Variants in CMC1 observed in about 807,000 individuals in gnomAD.
The protein encoded by CMC1 is C-X9-C motif containing 1, also known as COX assembly mitochondrial protein homolog.
CMC1 carries 14 observed loss-of-function variants against 14.1 expected under a neutral mutation model. That is an observed-to-expected ratio of 0.99 (90% CI 0.66 to 1.55). The LOEUF is 1.55. CMC1 is among the 40% of genes most tolerant of loss of function. The pLI is 0.00. For synonymous variants in CMC1, 50 were observed against 38.4 expected (o/e 1.30, Z -1.12); for missense variants, 127 against 123.8 (o/e 1.03, Z -0.12).
chr3:28,298,804 C>T (rs1400092162), intron 2 of CMC1, among the ~76,000 whole-genome samples: 2 of 151,978 alleles, frequency 1.3e-5, no homozygotes, highest in African/African-American at 4.8e-5. Flanking sequence ...ACTAATTTCC[C>T]TGCTCAACAA....
Position 28,321,071 on chromosome 3 carries a change from A to G in CMC1, c.*1442A>G, listed in dbSNP as rs942053488. Reference sequence around the variant, plus strand: ...CTTTACTCTTGAGTGAACCACTCAAAAAACTATTTTACTTTTATTTGAAAT... The same window carrying G: ...CTTTACTCTTGAGTGAACCACTCAAGAAACTATTTTACTTTTATTTGAAAT... On this transcript the variant is annotated 3_prime_UTR_variant, in exon 4 of 4. Transcript: ENST00000466830. 4.0e-5 allele frequency: 6 copies of G among 151,544 alleles called. No individual in the cohort carries two copies. Among genetic ancestry groups the G allele is most frequent in the African/African-American group, 1.4e-4 (6 of 41,468 alleles). The allele number at this position is 151,544 out of a possible 1,614,324, so 9.4% of individuals were successfully genotyped here.
At chr3:28,269,530 T>TG (rs1034591114) in intron 2 of CMC1, among the ~76,000 whole-genome samples, 2 of 152,030 alleles carry the variant, frequency 1.3e-5, no homozygotes, top group Non-Finnish European at 2.9e-5. Flanking sequence ...GGTGGTTTGC[T>TG]GCACCTATCA....
At chr3:28,288,677 G>T (rs1330308931) in intron 2 of CMC1, among the ~76,000 whole-genome samples, 2 of 151,940 alleles carry the variant, frequency 1.3e-5, no homozygotes, top group African/African-American at 2.4e-5. Context: ...AAACAAAAAA[G>T]AAAGCTTTAG....
At chr3:28,267,344 A>T (rs1190967073) in intron 2 of CMC1, among the ~76,000 whole-genome samples, 1 of 152,158 alleles carries the variant, frequency 6.6e-6, no homozygotes, top group East Asian at 1.9e-4. Flanking sequence ...AAGTCTCTAT[A>T]TTGGATAATG....
Position 28,324,530 on chromosome 3 carries a change from T to C in CMC1, c.*4901T>C. 7.8e-7 allele frequency: 1 copy of C among 1,288,006 alleles called. No individual in the cohort carries two copies. The highest frequency in any genetic ancestry group is 1.0e-6 in the Non-Finnish European group (1 of 974,830). 79.8% of individuals were successfully genotyped at this position (1,288,006 alleles called of 1,614,324 possible). A position where few individuals can be genotyped will look rare whatever the true frequency, so the allele number is the denominator to read the frequency against. ...TAAAATTCGATAACACTTCACCAAT[T>C]TGAATTCTAGAACTGGTGATGAAAT... On this transcript the variant is annotated 3_prime_UTR_variant, in exon 4 of 4. Transcript: ENST00000466830.
At position 28,316,370 on chromosome 3, in the gene CMC1, G is replaced by A. The variant is rs1702920146; in HGVS notation, c.147G>A (p.Met49Ile). Residue 49 changes from methionine to isoleucine, a missense_variant, in exon 3 of 4, where the codon ATG becomes ATA. Met to Ile is a conservative substitution (Grantham distance 10). Transcript: ENST00000466830. ...GTTGCAAGAACTCTGGAGTTCTTATGGTAGTAAAATGCCGGAAAGAAAATT... is the reference window on the plus strand; with the variant it reads ...GTTGCAAGAACTCTGGAGTTCTTATAGTAGTAAAATGCCGGAAAGAAAATT... ...TKCCKNSGVL[M>I]VVKCRKENSA... 1.3e-6 allele frequency: 2 copies of A among 1,593,592 alleles called. No homozygotes were observed. Among genetic ancestry groups the A allele is most frequent in the South Asian group, 1.1e-5 (1 of 87,040 alleles).
chr3:28,254,745 A>G (rs536561945), intron 1 of CMC1, among the ~76,000 whole-genome samples: 2 of 152,348 alleles, frequency 1.3e-5, no homozygotes, highest in East Asian at 3.9e-4. Context: ...AATAAGTTGT[A>G]TAGATGAAAA....
chr3:28,322,385 TAAAC>T lies in CMC1; in HGVS notation c.*2759_*2762del, dbSNP rs1703212430. ...TTCAAACAAAAATATTTATTTTAATTAAACAATTTCTTGGTATTGTTCAAAACAT... is the reference window on the plus strand; with the variant it reads ...TTCAAACAAAAATATTTATTTTAATTAATTTCTTGGTATTGTTCAAAACAT... On this transcript the variant is annotated 3_prime_UTR_variant, in exon 4 of 4. Transcript: ENST00000466830. 1 of 151,524 alleles carries T rather than the reference TAAAC, an allele frequency of 6.6e-6. No individual in the cohort carries two copies. Among genetic ancestry groups the T allele is most frequent in the Middle Eastern group, 3.2e-3 (1 of 316 alleles). The allele number at this position is 151,524 out of a possible 1,614,324, so 9.4% of individuals were successfully genotyped here.
rs538885308 is a variant in CMC1 at position 28,293,989 on chromosome 3, A to G, written c.110-22344A>G. On this transcript the variant is annotated intron_variant, in intron 2 of 3. Coordinates refer to ENST00000466830, the MANE Select transcript of CMC1 (RefSeq NM_182523.2). The stretch of plus-strand genomic sequence containing the variant: ...TTACATATAGCATTAAATTTGAACT[A>G]TATGGATTTCAAATAAAAGAAGAGA... 7.9e-5 allele frequency among the ~76,000 whole-genome samples: 12 copies of G among 152,300 alleles called. No homozygotes were observed. In the East Asian group the frequency reaches 1.3e-3, roughly 17 times the overall value.
intron 2 of CMC1, among the ~76,000 whole-genome samples, chr3:28,268,682 A>T (rs938413847): frequency 1.3e-5 from 2 of 152,220 alleles, no homozygotes; most frequent in African/African-American, 4.8e-5. Flanking sequence ...AAGCCTTTTA[A>T]GGATAGCAGT....
chr3:28,271,898 T>G (rs762861949), intron 2 of CMC1, among the ~76,000 whole-genome samples: 4 of 152,222 alleles, frequency 2.6e-5, no homozygotes, highest in Non-Finnish European at 5.9e-5. Flanking sequence ...TCTGATTTCC[T>G]TGAGCAGTGG....
intron 2 of CMC1, among the ~76,000 whole-genome samples, chr3:28,278,238 T>C (rs1374829473): frequency 6.6e-6 from 1 of 152,194 alleles, no homozygotes; most frequent in Non-Finnish European, 1.5e-5. Context: ...GGAGGAGTTA[T>C]AGTTAGCAGA....
chr3:28,299,502 T>C (rs1233716203), intron 2 of CMC1, among the ~76,000 whole-genome samples: 2 of 152,124 alleles, frequency 1.3e-5, no homozygotes, highest in Non-Finnish European at 2.9e-5. Context: ...AATCTTTTCA[T>C]GTTCATCCTT....
chr3:28,316,307 ATT>A, intron 2 of CMC1, 24 bp from the exon 3 acceptor site: 1 of 1,287,630 alleles, frequency 7.8e-7, no homozygotes, highest in Non-Finnish European at 1.1e-6. Context: ...ATTACAAGTA[ATT>A]TTTTCCTTCC....
intron 2 of CMC1, among the ~76,000 whole-genome samples, chr3:28,309,941 C>CCA (rs57007112): frequency 0.051 from 6,794 of 132,422 alleles, 221 homozygotes; most frequent in East Asian, 0.088. Flanking sequence ...CTGACGTCCA[C>CCA]CACACACACA....
At chr3:28,294,428 A>G (rs1331553655) in intron 2 of CMC1, 3 of 926,240 alleles carry the variant, frequency 3.2e-6, no homozygotes, top group Non-Finnish European at 3.9e-6. Context: ...CTCTTTTACA[A>G]TACAGGACAA....
intron 1 of CMC1, among the ~76,000 whole-genome samples, chr3:28,249,070 G>A (rs1294854028): frequency 2.0e-5 from 3 of 152,320 alleles, no homozygotes; most frequent in East Asian, 3.9e-4. Flanking sequence ...GATTACAGGC[G>A]TGAGCCACTG....
At chr3:28,272,847 G>C (rs906722103) in intron 2 of CMC1, among the ~76,000 whole-genome samples, 6 of 152,034 alleles carry the variant, frequency 3.9e-5, no homozygotes, top group Non-Finnish European at 8.8e-5. Context: ...ACCACGCCTG[G>C]CAAATTTTTT....
At chr3:28,317,324 A>G (rs1702975963) in intron 3 of CMC1, 2 of 152,044 alleles carry the variant, frequency 1.3e-5, no homozygotes, top group Admixed American at 6.6e-5. Context: ...ATGATGAAAC[A>G]TAATCAATAT....
Sources: allele counts gnomAD v4.1 joint callset (sites outside exome capture counted in the v4.1 genomes callset), GRCh38; gene constraint gnomAD v4.1.1; transcripts MANE v1.5; gene names NCBI Gene and HGNC (gene_info 2026-07-23, HGNC 2026-07-21).